C16orf96: variants seen among roughly 807,000 people sequenced by gnomAD.
C16orf96 encodes uncharacterized protein C16orf96.
Under a neutral mutation model 103.6 loss-of-function variants are expected in C16orf96, and 108 were observed. The observed-to-expected ratio is 1.04, with a 90% CI of 0.89 to 1.22. The LOEUF is 1.22. Ranked by LOEUF, C16orf96 falls within the 50% of genes most tolerant of loss-of-function variation. The pLI is 0.00. For synonymous variants in C16orf96, 566 were observed against 593.5 expected (o/e 0.95, Z 0.67); for missense variants, 1,586 against 1,464.2 (o/e 1.08, Z -1.36).
At chr16:4,563,778 A>C (rs2141698977) in intron 1 of C16orf96, among the ~76,000 whole-genome samples, 1 of 149,802 alleles carries the variant, frequency 6.7e-6, no homozygotes, top group African/African-American at 2.4e-5. Context: ...CATGTTGGCC[A>C]GGCTGGTCTT....
chr16:4,579,594 G>T (rs1475100506), intron 6 of C16orf96, among the ~76,000 whole-genome samples: 1 of 133,186 alleles, frequency 7.5e-6, no homozygotes, highest in African/African-American at 2.7e-5. Context: ...CAGGTGGAAG[G>T]CACCCTGGTC....
the C16orf96 span, among the ~76,000 whole-genome samples, chr16:4,540,797 GAGTAC>G: frequency 1.3e-5 from 2 of 151,854 alleles, no homozygotes; most frequent in Non-Finnish European, 2.9e-5. Flanking sequence ...ACCCAGGCTG[GAGTAC>G]AGTGGCATGA....
intron 14 of C16orf96, among the ~76,000 whole-genome samples, chr16:4,598,370 AAG>A (rs1160769039): frequency 3.9e-5 from 1 of 25,600 alleles, no homozygotes; most frequent in East Asian, 0.011. Flanking sequence ...AGAAAGAAAA[AAG>A]AAAAGAAATG....
At chr16:4,553,044 G>C (rs769339398), upstream of C16orf96, among the ~76,000 whole-genome samples, 1 of 152,116 alleles carries the variant, frequency 6.6e-6, no homozygotes, top group Non-Finnish European at 1.5e-5. Context: ...AGAAAGAGAA[G>C]GTCTCTATTC....
rs967182185 is a variant in C16orf96 at position 4,592,293 on chromosome 16, T to G, written c.2712-12T>G. 2 of 1,551,460 alleles carry G rather than the reference T, an allele frequency of 1.3e-6. No homozygotes were observed. The highest frequency in any genetic ancestry group is 2.7e-5 in the African/African-American group (2 of 73,058). On this transcript the variant is annotated splice_polypyrimidine_tract_variant and intron_variant, in intron 10 of 15. Coordinates refer to ENST00000444310, the MANE Select transcript of C16orf96 (RefSeq NM_001145011.2). Reference sequence around the variant, plus strand: ...CAGCAGGGGCAGCGGCTGATGATCATGTGCCTTTCAGGAAGCTGTTCAAGC... The same window carrying G: ...CAGCAGGGGCAGCGGCTGATGATCAGGTGCCTTTCAGGAAGCTGTTCAAGC...
At chr16:4,559,376 C>G (rs2059303277) in intron 1 of C16orf96, among the ~76,000 whole-genome samples, 1 of 151,486 alleles carries the variant, frequency 6.6e-6, no homozygotes, top group African/African-American at 2.4e-5. Context: ...AAACCCGTCT[C>G]TACTAAAAAT....
the C16orf96 span, among the ~76,000 whole-genome samples, chr16:4,545,937 C>T: frequency 9.9e-5 from 15 of 151,912 alleles, no homozygotes; most frequent in South Asian, 2.1e-4. Context: ...ACAACTTCCG[C>T]CTCCCAGGTT....
chr16:4,594,510 CG>C lies in C16orf96; in HGVS notation c.3027+1del. On this transcript the variant is annotated splice_donor_variant, in intron 13 of 15. Coordinates refer to ENST00000444310, the MANE Select transcript of C16orf96 (RefSeq NM_001145011.2). LOFTEE classifies it high-confidence loss of function. Reference sequence around the variant, plus strand: ...ATCCCCACGTGATCGACTATGACAGCGTGAGTCTGGCCGGGGCCTCCTTCTC... The same window carrying C: ...ATCCCCACGTGATCGACTATGACAGCTGAGTCTGGCCGGGGCCTCCTTCTC... The C allele has an allele frequency of 6.4e-7, 1 of 1,550,398 alleles. No homozygotes were observed. Among genetic ancestry groups the C allele is most frequent in the Non-Finnish European group, 8.7e-7 (1 of 1,146,296 alleles).
At chr16:4,574,301 C>A (rs1173187319) in intron 2 of C16orf96, among the ~76,000 whole-genome samples, 1 of 152,204 alleles carries the variant, frequency 6.6e-6, no homozygotes, top group African/African-American at 2.4e-5. Context: ...CAGCTCACTG[C>A]AACCTCTGCC....
the C16orf96 span, among the ~76,000 whole-genome samples, chr16:4,545,218 T>A: frequency 6.6e-6 from 1 of 152,134 alleles, no homozygotes; most frequent in African/African-American, 2.4e-5. Flanking sequence ...CACTCAGTTG[T>A]TTGTTTAGGG....
intron 1 of C16orf96, chr16:4,561,187 A>G: frequency 6.6e-6 from 1 of 152,138 alleles, no homozygotes; most frequent in Middle Eastern, 3.3e-3. Flanking sequence ...GAGCCTGTTA[A>G]TCCCAGCTAC....
intron 6 of C16orf96, 98 bp from the exon 7 acceptor site, chr16:4,579,917 G>A (rs989257533): frequency 2.4e-5 from 25 of 1,025,994 alleles, no homozygotes; most frequent in Admixed American, 1.5e-4. Context: ...AGCCTGGTCT[G>A]GTACATTCTT....
chr16:4,572,449 G>A (rs1298689758), intron 2 of C16orf96, among the ~76,000 whole-genome samples: 4 of 151,598 alleles, frequency 2.6e-5, no homozygotes, highest in South Asian at 2.1e-4. Context: ...ACAGGCGCCC[G>A]CCCCCATGCC....
chr16:4,569,146 T>G (rs2059410897), intron 1 of C16orf96, among the ~76,000 whole-genome samples: 1 of 151,684 alleles, frequency 6.6e-6, no homozygotes, highest in Non-Finnish European at 1.5e-5. Flanking sequence ...ATTTTTATAT[T>G]TTTGGTAGAG....
chr16:4,580,553 A>C (rs1181287274), intron 7 of C16orf96, among the ~76,000 whole-genome samples: 1 of 152,074 alleles, frequency 6.6e-6, no homozygotes, highest in Non-Finnish European at 1.5e-5. Context: ...TAATAATAAA[A>C]AGAAATATTT....
intron 2 of C16orf96, among the ~76,000 whole-genome samples, chr16:4,574,219 A>G (rs964219798): frequency 6.7e-6 from 1 of 149,732 alleles, no homozygotes; most frequent in African/African-American, 2.5e-5. Context: ...TTTTTTATTT[A>G]TTTATTTATT....
In C16orf96 at chr16:4,556,776, C is replaced by A. The variant is rs1463709607; in HGVS notation, c.287C>A (p.Ala96Asp). The change falls in exon 1 of 16, where the codon GCC becomes GAC. Residue 96 changes from alanine to aspartate, a missense_variant. By Grantham distance (126) the Ala-to-Asp change is moderately radical (BLOSUM62 -2). Transcript: ENST00000444310. ...CTCGACAAGTTGGAGAACCAGCTGG[C>A]CCTGCTGCAGGACCTGCCCTCCACT... ...SRLDKLENQL[A>D]LLQDLPSTAQ... 2 of 1,551,598 alleles carry A rather than the reference C, an allele frequency of 1.3e-6. No homozygotes were observed. Among genetic ancestry groups the A allele is most frequent in the Admixed American group, 3.9e-5 (2 of 50,972 alleles).
At position 4,594,443 on chromosome 16, in the gene C16orf96, A is replaced by G. The variant is rs1377121134; in HGVS notation, c.2960A>G (p.Lys987Arg). 2 of 1,551,414 alleles carry G rather than the reference A, an allele frequency of 1.3e-6. No homozygotes were observed. The highest frequency in any genetic ancestry group is 4.9e-5 in the East Asian group (2 of 40,928). ...GGCCCCCAAAACGCCACCAGCCTCA[A>G]GTGCAAGTCCTGCAACCTGTTGACG... ...GDGPQNATSLKCKSCNLLTLY... is the reference protein window; with the variant it reads ...GDGPQNATSLRCKSCNLLTLY... The change falls in exon 13 of 16, where the codon AAG (lysine) becomes AGG (arginine). Residue 987 changes from lysine (K) to arginine (R), a missense_variant. Lys to Arg is a conservative substitution (Grantham distance 26). Transcript: ENST00000444310.
At chr16:4,599,207 G>A in intron 14 of C16orf96, 77 bp from the exon 15 acceptor site, 1 of 1,284,808 alleles carries the variant, frequency 7.8e-7, no homozygotes, top group Non-Finnish European at 1.1e-6. Context: ...GAGGGAGACT[G>A]CCCAGTGCTG....
Sources: gnomAD v4.1 joint callset for allele counts (sites outside exome capture counted in the v4.1 genomes callset) on GRCh38, gnomAD v4.1.1 for gene constraint, MANE v1.5 for transcripts, NCBI Gene and HGNC (gene_info 2026-07-23, HGNC 2026-07-21) for gene names.